BCAS3: variants seen among roughly 807,000 people sequenced by gnomAD.
BCAS3 encodes BCAS3 microtubule associated cell migration factor, also known as BCAS4/BCAS3 fusion.
In BCAS3, 53 loss-of-function variants were observed where a neutral mutation model predicts 116.1. The ratio of observed to expected loss-of-function variants is 0.46; its 90% confidence interval spans 0.37 to 0.57. The LOEUF (loss-of-function observed/expected upper bound fraction) is 0.57. BCAS3 is among the 20% of genes least tolerant of loss of function. The probability of loss-of-function intolerance (pLI) is 0.00; values close to 1 mark genes in which losing one functional copy is unlikely to be tolerated. For missense variants in BCAS3, 917 were observed against 1,165.4 expected (o/e 0.79, Z 3.10); for synonymous variants, 391 against 408.2 (o/e 0.96, Z 0.51).
At chr17:61,120,667 A>G (rs572160746) in intron 22 of BCAS3, among the ~76,000 whole-genome samples, 1 of 152,260 alleles carries the variant, frequency 6.6e-6, no homozygotes, top group Non-Finnish European at 1.5e-5. Flanking sequence ...TCCAGATGTC[A>G]TGATACTTCA....
intron 22 of BCAS3, among the ~76,000 whole-genome samples, chr17:61,328,242 A>T (rs1602713274): frequency 6.6e-6 from 1 of 152,330 alleles, no homozygotes; most frequent in Non-Finnish European, 1.5e-5. Flanking sequence ...ATAGAGAAAG[A>T]AAAAACTAGT....
At chr17:60,773,287 CTTTTTTT>C (rs1210680882) in intron 6 of BCAS3, among the ~76,000 whole-genome samples, 2 of 91,998 alleles carry the variant, frequency 2.2e-5, no homozygotes, top group African/African-American at 4.8e-5. Context: ...TCTTCAGGTC[CTTTTTTT>C]TTTTTTTTTT....
At position 61,215,859 on chromosome 17, in the gene BCAS3, C is replaced by T. The variant is rs1601954400; in HGVS notation, c.2425+131295C>T. On this transcript the variant is annotated intron_variant, in intron 22 of 23. Coordinates refer to ENST00000407086, the MANE Select transcript of BCAS3 (RefSeq NM_017679.5). This position sits in a 1 kb window ranked among gnomAD's most constrained non-coding sequence, Gnocchi z 4.8. ...AGCTTAGGCATCAGTATTTTTCAGACTCCCTGAGTAATTCTAGTGTACAGC... is the reference window on the plus strand; with the variant it reads ...AGCTTAGGCATCAGTATTTTTCAGATTCCCTGAGTAATTCTAGTGTACAGC... 6.6e-6 allele frequency among the ~76,000 whole-genome samples: 1 copy of T among 152,146 alleles called. No individual in the cohort carries two copies. The highest frequency in any genetic ancestry group is 1.5e-5 in the Non-Finnish European group (1 of 68,034).
At chr17:60,942,823 A>G (rs1351284217) in intron 13 of BCAS3, among the ~76,000 whole-genome samples, 2 of 152,204 alleles carry the variant, frequency 1.3e-5, no homozygotes, top group Non-Finnish European at 2.9e-5. Context: ...TTAAATGCTT[A>G]TACTAATGTG....
intron 19 of BCAS3, among the ~76,000 whole-genome samples, chr17:61,050,918 ATACAAAGTATAT>A (rs1568228943): frequency 6.6e-6 from 1 of 152,076 alleles, no homozygotes; most frequent in Non-Finnish European, 1.5e-5. Context: ...GTTTCAAGTC[ATACAAAGTATAT>A]TCCCTGACCA....
At position 61,265,678 on chromosome 17, in the gene BCAS3, G is replaced by A. The variant is rs886121358; in HGVS notation, c.2426-102649G>A. ...GAAATGAATTTCAGGATTTAACTATGTAACACCATCATTCTTTTTTCCCCC... is the reference window on the plus strand; with the variant it reads ...GAAATGAATTTCAGGATTTAACTATATAACACCATCATTCTTTTTTCCCCC... On this transcript the variant is annotated intron_variant, in intron 22 of 23. Coordinates refer to ENST00000407086, the MANE Select transcript of BCAS3 (RefSeq NM_017679.5). The surrounding 1 kb of genome is among the most constrained non-coding windows in gnomAD (Gnocchi z 4.3). Among the ~76,000 whole-genome samples the A allele has an allele frequency of 8.1e-6, 1 of 124,156 alleles. No individual in the cohort carries two copies. The highest frequency in any genetic ancestry group is 2.8e-5 in the African/African-American group (1 of 35,958). 81.5% of individuals were successfully genotyped at this position (124,156 alleles called of 152,430 possible).
chr17:61,252,759 G>A (rs868773190), intron 22 of BCAS3, among the ~76,000 whole-genome samples: 7 of 152,078 alleles, frequency 4.6e-5, no homozygotes, highest in Non-Finnish European at 8.8e-5. Context: ...AACCAATTGT[G>A]GAATCCATAT....
chr17:60,706,445 CAT>C (rs1270160680), intron 4 of BCAS3, among the ~76,000 whole-genome samples: 1 of 151,214 alleles, frequency 6.6e-6, no homozygotes, highest in Non-Finnish European at 1.5e-5. Context: ...GTATATAAAA[CAT>C]ATACAAAATA....
At position 61,021,836 on chromosome 17, in the gene BCAS3, A is replaced by G. The variant is rs750814707; in HGVS notation, c.1637+5935A>G. Among the ~76,000 whole-genome samples the G allele has an allele frequency of 4.6e-5, 7 of 152,248 alleles. No individual in the cohort carries two copies. Among genetic ancestry groups the G allele is most frequent in the East Asian group, 3.8e-4 (2 of 5,204 alleles). On this transcript the variant is annotated intron_variant, in intron 16 of 23. Transcript: ENST00000407086. This position sits in a 1 kb window ranked among gnomAD's most constrained non-coding sequence, Gnocchi z 4.6. ...ATATAGTAGGCCTTGCAGAAGGTCTATTCCTTATTTTAATTCAATTAGGTA... is the reference window on the plus strand; with the variant it reads ...ATATAGTAGGCCTTGCAGAAGGTCTGTTCCTTATTTTAATTCAATTAGGTA...
rs1602585860 is a variant in BCAS3 at position 61,310,390 on chromosome 17, C to G, written c.2426-57937C>G. Among the ~76,000 whole-genome samples the G allele has an allele frequency of 2.0e-5, 3 of 152,016 alleles. No homozygotes were observed. In the South Asian group the frequency reaches 6.2e-4, roughly 32 times the overall value. ...CCAACATGGAGAAACCCCGTCTCTACTAAAAATACAAAAATTAGCCAGGTG... is the reference window on the plus strand; with the variant it reads ...CCAACATGGAGAAACCCCGTCTCTAGTAAAAATACAAAAATTAGCCAGGTG... On this transcript the variant is annotated intron_variant, in intron 22 of 23. Transcript: ENST00000407086.
At chr17:61,025,546 G>A (rs939105304) in intron 16 of BCAS3, among the ~76,000 whole-genome samples, 4 of 151,840 alleles carry the variant, frequency 2.6e-5, no homozygotes, top group South Asian at 4.2e-4. Flanking sequence ...GTGTGTACTC[G>A]TGCACATACC....
At chr17:61,125,047 A>G (rs556509934) in intron 22 of BCAS3, among the ~76,000 whole-genome samples, 27 of 152,206 alleles carry the variant, frequency 1.8e-4, no homozygotes, top group Non-Finnish European at 3.5e-4. Flanking sequence ...AAAATATTTG[A>G]ACTAAAAAGA....
intron 6 of BCAS3, among the ~76,000 whole-genome samples, chr17:60,766,608 G>A (rs932246119): frequency 4.6e-5 from 7 of 152,232 alleles, no homozygotes; most frequent in East Asian, 1.9e-4. Flanking sequence ...GGTGTCATTC[G>A]GCCCCTACTG....
At chr17:61,372,539 T>C (rs558752644) in intron 23 of BCAS3, among the ~76,000 whole-genome samples, 4 of 152,318 alleles carry the variant, frequency 2.6e-5, no homozygotes, top group Admixed American at 1.3e-4. Context: ...TGAATTCCTC[T>C]CTTCGGGCCC....
intron 10 of BCAS3, among the ~76,000 whole-genome samples, chr17:60,901,336 G>A (rs1044273996): frequency 1.3e-5 from 2 of 152,050 alleles, no homozygotes; most frequent in African/African-American, 4.8e-5. Context: ...TCTTGCTTAT[G>A]CAGCAGGAGG....
intron 6 of BCAS3, among the ~76,000 whole-genome samples, chr17:60,763,529 C>T (rs1050131156): frequency 5.9e-5 from 9 of 152,102 alleles, no homozygotes; most frequent in African/African-American, 2.2e-4. Context: ...ACCAGCCTTG[C>T]ATCCCAGGGA....
intron 6 of BCAS3, among the ~76,000 whole-genome samples, chr17:60,792,326 C>G (rs759497353): frequency 1.4e-4 from 22 of 152,310 alleles, no homozygotes; most frequent in Admixed American, 1.3e-4. Context: ...GCTGGCACCT[C>G]GAGCTGCCCG....
At position 61,051,934 on chromosome 17, in the gene BCAS3, CA is replaced by C. The variant is rs1254017595; in HGVS notation, c.2029+11046del. Among the ~76,000 whole-genome samples, 5 of 151,760 alleles carry C rather than the reference CA, an allele frequency of 3.3e-5. No homozygotes were observed. The highest frequency in any genetic ancestry group is 1.2e-4 in the African/African-American group (5 of 41,322). ...CTAGACAAAGTAGAGGAAATTAATG[CA>C]AAACAGAAAATACAGGAAAAAAGGA... On this transcript the variant is annotated intron_variant, in intron 19 of 23. Coordinates refer to ENST00000407086, the MANE Select transcript of BCAS3 (RefSeq NM_017679.5). The surrounding 1 kb of genome is among the most constrained non-coding windows in gnomAD (Gnocchi z 4.1).
chr17:61,294,610 T>C (rs1422200207), intron 22 of BCAS3, among the ~76,000 whole-genome samples: 1 of 152,212 alleles, frequency 6.6e-6, no homozygotes, highest in African/African-American at 2.4e-5. Flanking sequence ...GTTCTTAACA[T>C]AGTTGAGTCT....
Sources: allele counts gnomAD v4.1 joint callset (sites outside exome capture counted in the v4.1 genomes callset), GRCh38; gene constraint gnomAD v4.1.1; non-coding constraint Gnocchi (gnomAD v3.1); transcripts MANE v1.5; gene names NCBI Gene and HGNC (gene_info 2026-07-23, HGNC 2026-07-21).